Variants in NHSL1 observed in about 807,000 individuals in gnomAD.
The protein encoded by NHSL1 is NHS like 1, also known as NHS-like protein 1.
In NHSL1, 48 loss-of-function variants were observed where a neutral mutation model predicts 95.0. That is an observed-to-expected ratio of 0.51 (90% CI 0.40 to 0.64). The LOEUF (loss-of-function observed/expected upper bound fraction) is 0.64. NHSL1 is among the 30% of genes least tolerant of loss of function. The pLI is 0.00. For missense variants in NHSL1, 1,971 were observed against 2,077.7 expected (o/e 0.95, Z 1.00); for synonymous variants, 783 against 833.9 (o/e 0.94, Z 1.05).
At chr6:138,597,751 TC>T (rs1211683227) in intron 1 of NHSL1, among the ~76,000 whole-genome samples, 2 of 152,232 alleles carry the variant, frequency 1.3e-5, no homozygotes, top group Non-Finnish European at 2.9e-5. Context: ...AAAATGGCCT[TC>T]TTTAATTTCT....
In NHSL1 at chr6:138,430,829, T is replaced by C; in HGVS notation, c.3516A>G (p.Ala1172=). Residue 1172 remains alanine (A), a synonymous_variant, in exon 6 of 8, where the codon GCA becomes GCG. Coordinates refer to ENST00000343505, the MANE Select transcript of NHSL1 (RefSeq NM_001144060.2). This position sits in a 1 kb window ranked among gnomAD's most constrained non-coding sequence, Gnocchi z 4.7. ...TGGTGCTGGGGCTGGGCCGAGCCTC[T>C]GCCTCCCCAGCGCTTGGAGCTCCAG... ...RSPGAPSAGE[A]EARPSPSTTP... 6.4e-7 allele frequency: 1 copy of C among 1,550,954 alleles called. No individual in the cohort carries two copies. Among genetic ancestry groups the C allele is most frequent in the Non-Finnish European group, 8.7e-7 (1 of 1,146,808 alleles).
In NHSL1 at chr6:138,457,000, C is replaced by T. The variant is rs1777656472; in HGVS notation, c.340-9807G>A. ...CCAGATTCAAGCAATTCTCCTGCCT[C>T]AGCCTGAGTAGCTGGGACTACAGGT... On this transcript the variant is annotated intron_variant, in intron 3 of 7. Transcript: ENST00000343505. Among the ~76,000 whole-genome samples, 3 of 151,988 alleles carry T rather than the reference C, an allele frequency of 2.0e-5. No homozygotes were observed. In the South Asian group the frequency reaches 6.2e-4, roughly 32 times the overall value.
chr6:138,619,610 C>T (rs946892327), intron 1 of NHSL1, among the ~76,000 whole-genome samples: 3 of 152,108 alleles, frequency 2.0e-5, no homozygotes, highest in African/African-American at 7.2e-5. Flanking sequence ...ACAAATAGTA[C>T]ATTCTCCGTG....
chr6:138,590,182 G>C (rs1456689247), intron 1 of NHSL1, among the ~76,000 whole-genome samples: 1 of 152,094 alleles, frequency 6.6e-6, no homozygotes, highest in Non-Finnish European at 1.5e-5. Context: ...ATTTTTAGTA[G>C]AGACAGGGTT....
chr6:138,577,009 C>T (rs372160353), upstream of NHSL1, among the ~76,000 whole-genome samples: 415 of 152,266 alleles, frequency 2.7e-3, 1 homozygote, highest in African/African-American at 9.3e-3. Flanking sequence ...AGAATCATCT[C>T]CTTTGGGAAT....
chr6:138,566,793 A>G (rs1019721654), intron 1 of NHSL1, among the ~76,000 whole-genome samples: 2 of 152,046 alleles, frequency 1.3e-5, no homozygotes, highest in African/African-American at 4.8e-5. Context: ...ATAATAATCA[A>G]AGGTCAATAA....
At chr6:138,458,324 G>C (rs564507460) in intron 3 of NHSL1, among the ~76,000 whole-genome samples, 1 of 151,940 alleles carries the variant, frequency 6.6e-6, no homozygotes, top group East Asian at 1.9e-4. Context: ...CTGCTCTCTT[G>C]TTTTACAGCT....
chr6:138,625,060 AT>A (rs1187738803), intron 1 of NHSL1, among the ~76,000 whole-genome samples: 1 of 152,190 alleles, frequency 6.6e-6, no homozygotes, highest in Non-Finnish European at 1.5e-5. Context: ...TAAAATGTTA[AT>A]ACGGTGGATA....
chr6:138,535,683 T>C (rs962672735), intron 1 of NHSL1, among the ~76,000 whole-genome samples: 1 of 152,026 alleles, frequency 6.6e-6, no homozygotes, highest in Non-Finnish European at 1.5e-5. Flanking sequence ...GTGGGATAGA[T>C]AGGGGTGGGG....
At chr6:138,688,878 A>G (rs949221508) in intron 1 of NHSL1, among the ~76,000 whole-genome samples, 9 of 152,130 alleles carry the variant, frequency 5.9e-5, no homozygotes, top group African/African-American at 2.2e-4. Context: ...TAAAGGCAGA[A>G]AGTTTACATT....
At chr6:138,448,974 C>G (rs984756097) in intron 3 of NHSL1, among the ~76,000 whole-genome samples, 12 of 151,030 alleles carry the variant, frequency 7.9e-5, no homozygotes, top group African/African-American at 2.9e-4. Context: ...ATCGCTTGAA[C>G]CCAGGAGGCA....
intron 1 of NHSL1, among the ~76,000 whole-genome samples, chr6:138,679,219 T>G (rs1431235240): frequency 1.3e-5 from 2 of 152,136 alleles, no homozygotes; most frequent in African/African-American, 4.8e-5. Context: ...TGAGAAAAGT[T>G]GAGACAGATG....
At chr6:138,567,921 G>A (rs778114169) in intron 1 of NHSL1, among the ~76,000 whole-genome samples, 6 of 152,084 alleles carry the variant, frequency 3.9e-5, no homozygotes, top group Non-Finnish European at 5.9e-5. Flanking sequence ...CATCAATCAC[G>A]CTTCTGCCCA....
intron 1 of NHSL1, among the ~76,000 whole-genome samples, chr6:138,681,495 T>C (rs1018248889): frequency 6.6e-6 from 1 of 152,198 alleles, no homozygotes; most frequent in Non-Finnish European, 1.5e-5. Flanking sequence ...GCACAGGCTA[T>C]GGAGTCAGGC....
intron 5 of NHSL1, among the ~76,000 whole-genome samples, chr6:138,435,934 G>C (rs1776066392): frequency 6.6e-6 from 1 of 151,994 alleles, no homozygotes; most frequent in Non-Finnish European, 1.5e-5. Context: ...TATTGTAATT[G>C]TTTTGGGGGT....
At chr6:138,546,233 GC>G (rs200029024), upstream of NHSL1, among the ~76,000 whole-genome samples, 812 of 151,944 alleles carry the variant, frequency 5.3e-3, 21 homozygotes, top group Admixed American at 0.048. Flanking sequence ...TATGTGAAAT[GC>G]TCTTTCAGTC....
At chr6:138,574,368 A>G (rs1783930094), upstream of NHSL1, among the ~76,000 whole-genome samples, 1 of 152,156 alleles carries the variant, frequency 6.6e-6, no homozygotes, top group African/African-American at 2.4e-5. Context: ...AAAAAAGACC[A>G]TCTCACCAGA....
intron 1 of NHSL1, among the ~76,000 whole-genome samples, chr6:138,675,271 C>T (rs896216934): frequency 5.9e-5 from 9 of 152,016 alleles, no homozygotes; most frequent in Admixed American, 2.6e-4. Context: ...GTCCCACAAG[C>T]CAAAGCACCC....
chr6:138,512,593 T>C (rs958930722), intron 1 of NHSL1: 5 of 201,346 alleles, frequency 2.5e-5, no homozygotes, highest in Non-Finnish European at 3.0e-5. Flanking sequence ...AGCTGCTGAA[T>C]GCCACAAATA....
Sources: gnomAD v4.1 joint callset for allele counts (sites outside exome capture counted in the v4.1 genomes callset) on GRCh38, gnomAD v4.1.1 for gene constraint, Gnocchi (gnomAD v3.1) non-coding constraint, MANE v1.5 for transcripts, NCBI Gene and HGNC (gene_info 2026-07-23, HGNC 2026-07-21) for gene names.